The following HS3ST4 variants were observed in gnomAD, a reference collection of about 807,000 sequenced individuals.
The protein encoded by HS3ST4 is heparan sulfate-glucosamine 3-sulfotransferase 4.
In HS3ST4, 17 loss-of-function variants were observed where a neutral mutation model predicts 29.2. That is an observed-to-expected ratio of 0.58 (90% CI 0.40 to 0.87). The LOEUF (loss-of-function observed/expected upper bound fraction) is 0.87, where lower values mean the gene tolerates loss of function less well. HS3ST4 is among the 40% of genes least tolerant of loss of function. The probability of loss-of-function intolerance (pLI) is 0.00; values close to 1 mark genes in which losing one functional copy is unlikely to be tolerated. For missense variants in HS3ST4, 627 were observed against 634.5 expected (o/e 0.99, Z 0.13); for synonymous variants, 314 against 285.7 (o/e 1.10, Z -1.00).
chr16:25,758,794 A>G (rs1414565859), intron 1 of HS3ST4, among the ~76,000 whole-genome samples: 1 of 152,024 alleles, frequency 6.6e-6, no homozygotes, highest in East Asian at 1.9e-4. Flanking sequence ...TGTCTCTACT[A>G]AAAATACAAA....
chr16:26,023,178 T>C (rs1372354530), intron 1 of HS3ST4, among the ~76,000 whole-genome samples: 3 of 152,228 alleles, frequency 2.0e-5, no homozygotes, highest in African/African-American at 7.2e-5. Context: ...TGATTTTCAT[T>C]GTTAATGGCT....
At chr16:25,883,143 CGATTTTTTT>C (rs1967911290) in intron 1 of HS3ST4, among the ~76,000 whole-genome samples, 1 of 148,126 alleles carries the variant, frequency 6.8e-6, no homozygotes. Context: ...CTGGCCCATA[CGATTTTTTT>C]TTTTTTTTTT....
intron 1 of HS3ST4, among the ~76,000 whole-genome samples, chr16:25,850,393 G>T (rs1967507062): frequency 6.6e-6 from 1 of 152,132 alleles, no homozygotes; most frequent in East Asian, 1.9e-4. Context: ...ACTCTACCCA[G>T]TCTTTAAGAT....
intron 1 of HS3ST4, among the ~76,000 whole-genome samples, chr16:25,921,555 A>C (rs1968354023): frequency 6.6e-6 from 1 of 152,174 alleles, no homozygotes; most frequent in African/African-American, 2.4e-5. Context: ...TCAGAAAGCA[A>C]CATTACTTTG....
At chr16:26,062,791 G>A in intron 1 of HS3ST4, 1 of 246,340 alleles carries the variant, frequency 4.1e-6, no homozygotes, top group Non-Finnish European at 8.3e-6. Flanking sequence ...CTCTAAATAA[G>A]AAATAATTCC....
At chr16:25,923,127 A>G (rs1419806468) in intron 1 of HS3ST4, among the ~76,000 whole-genome samples, 1 of 152,182 alleles carries the variant, frequency 6.6e-6, no homozygotes, top group Non-Finnish European at 1.5e-5. Context: ...ATTTTTAGCC[A>G]TTGTTGTACA....
intron 1 of HS3ST4, among the ~76,000 whole-genome samples, chr16:25,932,903 T>C (rs953954326): frequency 1.3e-5 from 2 of 152,228 alleles, no homozygotes; most frequent in African/African-American, 4.8e-5. Context: ...CTGAGTTTTC[T>C]CTAGAAGTGG....
At position 26,050,663 on chromosome 16, in the gene HS3ST4, C is replaced by T. The variant is rs143671450; in HGVS notation, c.735-84949C>T. 2.2e-3 allele frequency among the ~76,000 whole-genome samples: 328 copies of T among 152,248 alleles called. 3 individuals are homozygous for T. The highest frequency in any genetic ancestry group is 7.7e-3 in the African/African-American group (320 of 41,534). On this transcript the variant is annotated intron_variant, in intron 1 of 1. Transcript: ENST00000331351. ...CACTCACTAACCAGGCACCCTCCGC[C>T]GAGCAATTTGAGCTCCTTGAGCCTC...
At chr16:26,106,517 G>A (rs910694805) in intron 1 of HS3ST4, among the ~76,000 whole-genome samples, 1 of 152,210 alleles carries the variant, frequency 6.6e-6, no homozygotes, top group Non-Finnish European at 1.5e-5. Context: ...ACACTGTAGA[G>A]TATGAGGTTT....
chr16:25,855,864 AG>A (rs1365247890), intron 1 of HS3ST4, among the ~76,000 whole-genome samples: 1 of 152,032 alleles, frequency 6.6e-6, no homozygotes, highest in Non-Finnish European at 1.5e-5. Flanking sequence ...CTGAGAGCTT[AG>A]TAGTGTTTTT....
At chr16:26,121,139 G>A (rs1347023609) in intron 1 of HS3ST4, among the ~76,000 whole-genome samples, 4 of 152,152 alleles carry the variant, frequency 2.6e-5, no homozygotes, top group Non-Finnish European at 5.9e-5. Context: ...GGTTAAGGAG[G>A]TCTTCCAAAG....
intron 1 of HS3ST4, among the ~76,000 whole-genome samples, chr16:25,972,662 T>C (rs1466296772): frequency 1.3e-5 from 2 of 152,226 alleles, no homozygotes; most frequent in African/African-American, 4.8e-5. Flanking sequence ...TTTTGTTACC[T>C]AATCTTGGGG....
chr16:25,840,067 T>C (rs4787767), intron 1 of HS3ST4, among the ~76,000 whole-genome samples: 51,871 of 152,060 alleles, frequency 0.34, 9,540 homozygotes, highest in Admixed American at 0.4. Flanking sequence ...CAGTGGAAAC[T>C]AAAATGTTCT....
At chr16:25,834,225 TC>T (rs1967335333) in intron 1 of HS3ST4, among the ~76,000 whole-genome samples, 1 of 152,204 alleles carries the variant, frequency 6.6e-6, no homozygotes, top group Non-Finnish European at 1.5e-5. Context: ...ACTAGCAACA[TC>T]AACATCACTT....
chr16:25,991,198 C>T (rs539821096), intron 1 of HS3ST4, among the ~76,000 whole-genome samples: 4 of 152,112 alleles, frequency 2.6e-5, no homozygotes, highest in South Asian at 4.1e-4. Flanking sequence ...CCAGGGAACT[C>T]GGGCAGCAGA....
At chr16:26,065,972 A>G (rs563641089) in intron 1 of HS3ST4, among the ~76,000 whole-genome samples, 1 of 152,384 alleles carries the variant, frequency 6.6e-6, no homozygotes, top group East Asian at 1.9e-4. Flanking sequence ...CATCACGTAT[A>G]CGTTAATAAG....
chr16:26,003,273 G>T (rs1969228455), intron 1 of HS3ST4, among the ~76,000 whole-genome samples: 1 of 152,316 alleles, frequency 6.6e-6, no homozygotes, highest in South Asian at 2.1e-4. Flanking sequence ...TCAGTAAACA[G>T]AGATAATTAT....
At chr16:25,817,242 G>A (rs1436740589) in intron 1 of HS3ST4, among the ~76,000 whole-genome samples, 1 of 151,610 alleles carries the variant, frequency 6.6e-6, no homozygotes, top group African/African-American at 2.4e-5. Flanking sequence ...TGCTTGCAAA[G>A]TGGTTGCATG....
At chr16:25,895,930 A>C (rs1471984440) in intron 1 of HS3ST4, among the ~76,000 whole-genome samples, 2 of 152,180 alleles carry the variant, frequency 1.3e-5, no homozygotes, top group African/African-American at 4.8e-5. Context: ...ACAGTGGACA[A>C]GGGGACAGAA....
Sources: allele counts gnomAD v4.1 joint callset (sites outside exome capture counted in the v4.1 genomes callset), GRCh38; gene constraint gnomAD v4.1.1; transcripts MANE v1.5; gene names NCBI Gene and HGNC (gene_info 2026-07-23, HGNC 2026-07-21).